Variants in MRC2 observed in about 807,000 individuals in gnomAD.
MRC2 encodes the protein mannose receptor C-type 2.
Under a neutral mutation model 206.2 loss-of-function variants are expected in MRC2, and 84 were observed. The ratio of observed to expected loss-of-function variants is 0.41; its 90% CI spans 0.34 to 0.49. MRC2 has a LOEUF of 0.49. Ranked by LOEUF, MRC2 falls within the 20% of genes least tolerant of loss-of-function variation. MRC2 has a pLI of 0.31. For synonymous variants in MRC2, 798 were observed against 800.0 expected (o/e 1.00, Z 0.04); for missense variants, 1,676 against 2,001.5 (o/e 0.84, Z 3.10).
rs1486166987 is a variant in MRC2, at chr17:62,692,381, C to G, written c.4370C>G (p.Ser1457Cys). The change falls in exon 30 of 30, where the codon TCC becomes TGC. Residue 1457 changes from serine (S) to cysteine (C), a missense_variant. Transcript: ENST00000303375. This position sits in a 1 kb window ranked among gnomAD's most constrained non-coding sequence, Gnocchi z 4.2. ...FEGARYSRSS[S>C]SPTEATEKNI... ...GGTGCCCGCTACAGCCGCAGCAGCT[C>G]CAGCCCCACCGAGGCCACTGAGAAG... 6.4e-7 allele frequency: 1 copy of G among 1,574,074 alleles called. No individual in the cohort carries two copies. Among genetic ancestry groups the G allele is most frequent in the Non-Finnish European group, 8.6e-7 (1 of 1,159,684 alleles).
At chr17:62,651,124 G>A (rs893166141) in intron 1 of MRC2, among the ~76,000 whole-genome samples, 4 of 148,362 alleles carry the variant, frequency 2.7e-5, no homozygotes, top group African/African-American at 1.0e-4. Context: ...TCGCTCTGTC[G>A]CCAGGCTGGA....
intron 1 of MRC2, among the ~76,000 whole-genome samples, chr17:62,650,675 T>C (rs982045215): frequency 1.3e-5 from 2 of 152,192 alleles, no homozygotes; most frequent in African/African-American, 4.8e-5. Context: ...AGGGTTGTTA[T>C]AAGGATTAAT....
chr17:62,669,361 G>C (rs1023265560), intron 6 of MRC2, among the ~76,000 whole-genome samples: 25 of 151,022 alleles, frequency 1.7e-4, no homozygotes, highest in African/African-American at 5.8e-4. Context: ...ATTACAGGCG[G>C]GCATCACTAC....
chr17:62,636,263 A>AC (rs1273792375), intron 1 of MRC2, among the ~76,000 whole-genome samples: 4 of 151,098 alleles, frequency 2.6e-5, no homozygotes, highest in Non-Finnish European at 4.4e-5. Context: ...AAAAAAAAAA[A>AC]AGTAAAAATG....
Position 62,666,965 on chromosome 17 carries a change from G to A in MRC2, c.973+95G>A. The A allele has an allele frequency of 2.1e-6, 2 of 969,460 alleles. No individual in the cohort carries two copies. The highest frequency in any genetic ancestry group is 2.6e-5 in the East Asian group (1 of 38,858). The allele number at this position is 969,460 out of a possible 1,614,324, so 60.1% of individuals were successfully genotyped here. On this transcript the variant is annotated intron_variant, in intron 5 of 29. Coordinates refer to ENST00000303375, the MANE Select transcript of MRC2 (RefSeq NM_006039.5). This position sits in a 1 kb window ranked among gnomAD's most constrained non-coding sequence, Gnocchi z 5.0. ...TCTCCTCATGTCCTCCTGCAGAGGG[G>A]CAGTGTGGGTAGGGGAAGCACCGAC...
At chr17:62,645,521 A>ATTTTT (rs2088469843) in intron 1 of MRC2, among the ~76,000 whole-genome samples, 4 of 45,558 alleles carry the variant, frequency 8.8e-5, no homozygotes, top group Non-Finnish European at 1.7e-4. Context: ...ATATATATAT[A>ATTTTT]TATATATTTT....
At chr17:62,642,277 A>G (rs899154576) in intron 1 of MRC2, among the ~76,000 whole-genome samples, 7 of 152,026 alleles carry the variant, frequency 4.6e-5, no homozygotes, top group African/African-American at 1.7e-4. Context: ...CACAGTCTAA[A>G]TTTGTCTGAT....
chr17:62,682,241 G>T lies in MRC2; in HGVS notation c.2810G>T (p.Trp937Leu), dbSNP rs1197350928. The T allele has an allele frequency of 6.3e-6, 10 of 1,592,916 alleles. No homozygotes were observed. Among genetic ancestry groups the T allele is most frequent in the Non-Finnish European group, 8.6e-6 (10 of 1,169,040 alleles). ...TCCCCTCCCCTTTCCGCAGAGGACT[G>T]GGGGGACCAGAGGTGCCTGACAGCC... ...CVYMTASRED[W>L]GDQRCLTALP... Residue 937 changes from tryptophan (W) to leucine (L), a missense_variant, in exon 20 of 30, where the codon TGG (tryptophan) becomes TTG (leucine). By Grantham distance (61) the Trp-to-Leu change is moderately conservative. This residue lies in a region of MRC2 where 1,354 missense variants were observed against 1,636.6 expected (regional missense o/e 0.83). Coordinates refer to ENST00000303375, the MANE Select transcript of MRC2 (RefSeq NM_006039.5).
chr17:62,645,527 A>ATTTTTT lies in MRC2; in HGVS notation c.118+17626_118+17631dup, dbSNP rs1164231785. On this transcript the variant is annotated intron_variant, in intron 1 of 29. Coordinates refer to ENST00000303375, the MANE Select transcript of MRC2 (RefSeq NM_006039.5). ...TATATATATATATATATATATATATATTTTTTTTTTTTTTTTTTTTTTTTG... is the reference window on the plus strand; with the variant it reads ...TATATATATATATATATATATATATATTTTTTTTTTTTTTTTTTTTTTTTTTTTTTG... 2.3e-4 allele frequency among the ~76,000 whole-genome samples: 9 copies of ATTTTTT among 39,544 alleles called. 1 individual carries two copies. Among genetic ancestry groups the ATTTTTT allele is most frequent in the East Asian group, 6.5e-4 (1 of 1,530 alleles). 25.9% of individuals were successfully genotyped at this position (39,544 alleles called of 152,430 possible). A position where few individuals can be genotyped will look rare whatever the true frequency, so the allele number is the denominator to read the frequency against.
In MRC2 at chr17:62,667,879, A is replaced by C. The variant is rs35769372; in HGVS notation, c.1117+346A>C. Among the ~76,000 whole-genome samples the C allele has an allele frequency of 0.043, 6,596 of 152,316 alleles. 173 individuals are homozygous for C. The highest frequency in any genetic ancestry group is 0.082 in the Middle Eastern group (24 of 294). ...ATGGATCAGTGTTAGAGGAGCATAG[A>C]GAAGAAACTGATTCAGCTTCTGAGA... On this transcript the variant is annotated intron_variant, in intron 6 of 29. Coordinates refer to ENST00000303375, the MANE Select transcript of MRC2 (RefSeq NM_006039.5). The surrounding 1 kb of genome is among the most constrained non-coding windows in gnomAD (Gnocchi z 4.1).
intron 1 of MRC2, among the ~76,000 whole-genome samples, chr17:62,634,375 A>G (rs2088285735): frequency 6.6e-6 from 1 of 151,772 alleles, no homozygotes; most frequent in Admixed American, 6.6e-5. Context: ...GTCTTGGCTC[A>G]CTGCAACCTC....
chr17:62,665,410 C>CTA (rs1320463372), intron 2 of MRC2, among the ~76,000 whole-genome samples: 9 of 135,872 alleles, frequency 6.6e-5, no homozygotes, highest in African/African-American at 3.0e-4. Flanking sequence ...GTCCCCCCCC[C>CTA]CACAAAAAAA....
rs748539266 is a variant in MRC2 at position 62,678,554 on chromosome 17, G to A, written c.2103G>A (p.Gln701=). 2 of 1,610,334 alleles carry A rather than the reference G, an allele frequency of 1.2e-6. No homozygotes were observed. Among genetic ancestry groups the A allele is most frequent in the African/African-American group, 1.3e-5 (1 of 74,626 alleles). Residue 701 remains glutamine (Q), a synonymous_variant, in exon 13 of 30, where the codon CAG becomes CAA. Coordinates refer to ENST00000303375, the MANE Select transcript of MRC2 (RefSeq NM_006039.5). ...ACAAGAAGAGCTGGGTCCAGGCCCAGGGGGCCTGCCAGGAGCTGGGGGCCC... is the reference window on the plus strand; with the variant it reads ...ACAAGAAGAGCTGGGTCCAGGCCCAAGGGGCCTGCCAGGAGCTGGGGGCCC... The part of the protein sequence containing the change: ...LQDKKSWVQA[Q]GACQELGAQL...
Position 62,680,757 on chromosome 17 carries a change from C to T in MRC2, c.2474-43C>T, listed in dbSNP as rs569532726. 2.6e-6 allele frequency: 4 copies of T among 1,512,932 alleles called. No homozygotes were observed. The highest frequency in any genetic ancestry group is 1.4e-5 in the African/African-American group (1 of 71,558). The allele number at this position is 1,512,932 out of a possible 1,614,324, so 93.7% of individuals were successfully genotyped here. A position where few individuals can be genotyped will look rare whatever the true frequency, so the allele number is the denominator to read the frequency against. On this transcript the variant is annotated intron_variant, in intron 16 of 29. Transcript: ENST00000303375. The surrounding 1 kb of genome is among the most constrained non-coding windows in gnomAD (Gnocchi z 4.8). ...CCCGCCTCCGGGGCCTGGCGTGCAGCCTCTGCCTGGCCGCCGCTCCCACGC... is the reference window on the plus strand; with the variant it reads ...CCCGCCTCCGGGGCCTGGCGTGCAGTCTCTGCCTGGCCGCCGCTCCCACGC...
rs1205221302 is a variant in MRC2 at position 62,693,164 on chromosome 17, G to C, written c.*713G>C. On this transcript the variant is annotated 3_prime_UTR_variant, in exon 30 of 30. Transcript: ENST00000303375. ...ACCTCCCAGGGTGGGAGCTGGGCCGGGCTGGGATGTCATCTCCTGCCGGGC... is the reference window on the plus strand; with the variant it reads ...ACCTCCCAGGGTGGGAGCTGGGCCGCGCTGGGATGTCATCTCCTGCCGGGC... 8 of 152,718 alleles carry C rather than the reference G, an allele frequency of 5.2e-5. No homozygotes were observed. Among genetic ancestry groups the C allele is most frequent in the African/African-American group, 1.9e-4 (8 of 41,446 alleles). 9.5% of individuals were successfully genotyped at this position (152,718 alleles called of 1,614,324 possible).
At position 62,645,518 on chromosome 17, in the gene MRC2, TATATATA is replaced by T. The variant is rs1322307309; in HGVS notation, c.118+17599_118+17605del. Among the ~76,000 whole-genome samples, 225 of 69,744 alleles carry T rather than the reference TATATATA, an allele frequency of 3.2e-3. 2 individuals are homozygous for T. The highest frequency in any genetic ancestry group is 6.5e-3 in the Middle Eastern group (1 of 154). 45.8% of individuals were successfully genotyped at this position (69,744 alleles called of 152,430 possible). A position where few individuals can be genotyped will look rare whatever the true frequency, so the allele number is the denominator to read the frequency against. On this transcript the variant is annotated intron_variant, in intron 1 of 29. Transcript: ENST00000303375. ...TATATTATATATATATATATATATA[TATATATA>T]TATTTTTTTTTTTTTTTTTTTTTTT...
chr17:62,644,438 C>T (rs2147440780), intron 1 of MRC2, among the ~76,000 whole-genome samples: 1 of 152,222 alleles, frequency 6.6e-6, no homozygotes, highest in Middle Eastern at 3.4e-3. Context: ...AAAAACATGT[C>T]TGGAGGCGGG....
At chr17:62,645,527 A>ATTTTTTTTT (rs1164231785) in intron 1 of MRC2, among the ~76,000 whole-genome samples, 3 of 39,556 alleles carry the variant, frequency 7.6e-5, no homozygotes, top group African/African-American at 1.8e-4. Context: ...ATATATATAT[A>ATTTTTTTTT]TTTTTTTTTT....
intron 13 of MRC2, 35 bp downstream of exon 13, chr17:62,678,681 C>T: frequency 1.3e-6 from 2 of 1,594,566 alleles, no homozygotes; most frequent in Non-Finnish European, 8.5e-7. Flanking sequence ...TAGGAGGGCA[C>T]CCGCACACGT....
Sources: allele counts gnomAD v4.1 joint callset (sites outside exome capture counted in the v4.1 genomes callset), GRCh38; gene constraint gnomAD v4.1.1; regional missense constraint gnomAD v4.1.1; non-coding constraint Gnocchi (gnomAD v3.1); transcripts MANE v1.5; gene names NCBI Gene and HGNC (gene_info 2026-07-23, HGNC 2026-07-21).